Variants in JMJD4 observed in about 807,000 individuals in gnomAD.
The protein encoded by JMJD4 is jumonji domain containing 4.
A neutral mutation model predicts 36.3 loss-of-function variants in JMJD4; 34 were observed. The ratio of observed to expected loss-of-function variants is 0.94; its 90% confidence interval spans 0.71 to 1.25. JMJD4 has a LOEUF of 1.25. Among genes scored for constraint, JMJD4 ranks in the 50% most tolerant of loss-of-function variants. The probability of loss-of-function intolerance (pLI) is 0.00; values close to 1 mark genes in which losing one functional copy is unlikely to be tolerated. For synonymous variants in JMJD4, 269 were observed against 235.3 expected (o/e 1.14, Z -1.31); for missense variants, 584 against 559.1 (o/e 1.04, Z -0.45).
Position 227,732,364 on chromosome 1 carries a change from AC to A in JMJD4, c.*27del, listed in dbSNP as rs1660714150. 2 of 1,604,218 alleles carry A rather than the reference AC, an allele frequency of 1.2e-6. No homozygotes were observed. Among genetic ancestry groups the A allele is most frequent in the Non-Finnish European group, 1.7e-6 (2 of 1,174,262 alleles). The stretch of plus-strand genomic sequence containing the variant: ...CGGAGCAGGAGGCTGCCTCTCTTCC[AC>A]CCGTCCTTCTATCCTCACGACAGGT... On this transcript the variant is annotated 3_prime_UTR_variant, in exon 6 of 6. Transcript: ENST00000620518.
rs200290119 is a variant in JMJD4, at chr1:227,732,901, C to A, written c.949G>T (p.Asp317Tyr). 1.8e-5 allele frequency: 29 copies of A among 1,612,708 alleles called. No individual in the cohort carries two copies. The African/African-American group carries it at 2.1e-4, about 12-fold the overall frequency. ...EVSEWRDSMP[D>Y]WHHHCQVIMR... is the part of the protein sequence containing the mutation. ...CCCACCTGGCAGTGGTGGTGCCAGTCGGGCATGGAGTCCCTCCACTCGCTG... is the reference window on the plus strand; with the variant it reads ...CCCACCTGGCAGTGGTGGTGCCAGTAGGGCATGGAGTCCCTCCACTCGCTG... Residue 317 changes from aspartate to tyrosine, a missense_variant, in exon 5 of 6, where the codon GAC becomes TAC. Transcript: ENST00000620518.
Position 227,735,195 on chromosome 1 carries a change from G to C in JMJD4, c.79C>G (p.Pro27Ala), listed in dbSNP as rs1330874434. ...GVDVPGVGQA[P>A]GRVAFVSEPG... ...TCCGAGACGAAGGCTACCCGGCCCG[G>C]AGCCTGGCCGACGCCGGGGACATCG... Residue 27 changes from proline to alanine, a missense_variant, in exon 1 of 6, where the codon CCG (proline) becomes GCG (alanine). Transcript: ENST00000620518. 6.3e-7 allele frequency: 1 copy of C among 1,581,946 alleles called. No individual in the cohort carries two copies. The highest frequency in any genetic ancestry group is 1.8e-5 in the Admixed American group (1 of 55,942).
rs896671045 is a variant in JMJD4 at position 227,735,296 on chromosome 1, A to C, written c.-23T>G. On this transcript the variant is annotated 5_prime_UTR_variant, in exon 1 of 6. Coordinates refer to ENST00000620518, the MANE Select transcript of JMJD4 (RefSeq NM_023007.3). ...CATCCAGCTCAGCACGGGTCGAAGGACCCTCCTCCTCACTTCCGCCGGAGC... is the reference window on the plus strand; with the variant it reads ...CATCCAGCTCAGCACGGGTCGAAGGCCCCTCCTCCTCACTTCCGCCGGAGC... 13 of 1,603,936 alleles carry C rather than the reference A, an allele frequency of 8.1e-6. No homozygotes were observed. The African/African-American group carries it at 1.5e-4, about 18-fold the overall frequency.
intron 2 of JMJD4, 200 bp downstream of exon 2, chr1:227,734,450 GA>G (rs879711058): frequency 1.6e-5 from 7 of 449,440 alleles, no homozygotes; most frequent in African/African-American, 6.2e-5. Context: ...AAAAAAAAAG[GA>G]AAAAAAACCA....
chr1:227,733,847 C>T, intron 3 of JMJD4, 60 bp downstream of exon 3: 3 of 1,605,026 alleles, frequency 1.9e-6, no homozygotes, highest in Non-Finnish European at 2.5e-6. Context: ...CACCCTGGGC[C>T]TCCCAGTCCG....
In JMJD4 at chr1:227,731,933, G is replaced by T; in HGVS notation, c.*459C>A. 5.6e-6 allele frequency: 1 copy of T among 178,476 alleles called. No homozygotes were observed. The highest frequency in any genetic ancestry group is 1.2e-5 in the Non-Finnish European group (1 of 82,304). The allele number at this position is 178,476 out of a possible 1,614,324, so 11.1% of individuals were successfully genotyped here. On this transcript the variant is annotated 3_prime_UTR_variant, in exon 6 of 6. Coordinates refer to ENST00000620518, the MANE Select transcript of JMJD4 (RefSeq NM_023007.3). ...CTGGAGGTGATGGAGGCCAACCCCA[G>T]CCCTGCCTGGAGGCCCTGGTGAGCT...
chr1:227,735,281 A>G lies in JMJD4; in HGVS notation c.-8T>C, dbSNP rs1043339729. 6.2e-7 allele frequency: 1 copy of G among 1,606,442 alleles called. No individual in the cohort carries two copies. ...GCGCGTCTCGCGGTCCATCCAGCTCAGCACGGGTCGAAGGACCCTCCTCCT... is the reference window on the plus strand; with the variant it reads ...GCGCGTCTCGCGGTCCATCCAGCTCGGCACGGGTCGAAGGACCCTCCTCCT... On this transcript the variant is annotated 5_prime_UTR_variant, in exon 1 of 6. Coordinates refer to ENST00000620518, the MANE Select transcript of JMJD4 (RefSeq NM_023007.3).
Position 227,733,455 on chromosome 1 carries a change from C to A in JMJD4, c.781G>T (p.Val261Leu), listed in dbSNP as rs1432140841. The change falls in exon 4 of 6, where the codon GTG becomes TTG. Residue 261 changes from valine to leucine, a missense_variant. By Grantham distance (32) the Val-to-Leu change is conservative (BLOSUM62 1). Transcript: ENST00000620518. ...LEITQEAGEM[V>L]FVPSGWHHQV... ...TGGTGCCAGCCACTGGGCACAAACA[C>A]CATCTCGCCCGCTTCCTGCGTGATC... 2 of 1,588,214 alleles carry A rather than the reference C, an allele frequency of 1.3e-6. No homozygotes were observed. Among genetic ancestry groups the A allele is most frequent in the Non-Finnish European group, 8.6e-7 (1 of 1,167,444 alleles).
chr1:227,733,108 C>A, intron 4 of JMJD4, 81 bp from the exon 5 acceptor site: 2 of 1,486,882 alleles, frequency 1.3e-6, no homozygotes, highest in Non-Finnish European at 9.2e-7. Flanking sequence ...GCCAGGAACC[C>A]ACTGTGGGGT....
intron 5 of JMJD4, 93 bp downstream of exon 5, chr1:227,732,788 G>A: frequency 6.3e-7 from 1 of 1,591,294 alleles, no homozygotes; most frequent in South Asian, 1.1e-5. Context: ...TAAGACAGAG[G>A]CACTGAGAAG....
chr1:227,731,595 C>G lies in JMJD4; in HGVS notation c.*797G>C, dbSNP rs1272962298. 6.6e-6 allele frequency: 1 copy of G among 152,520 alleles called. No individual in the cohort carries two copies. Among genetic ancestry groups the G allele is most frequent in the South Asian group, 2.1e-4 (1 of 4,838 alleles). The allele number at this position is 152,520 out of a possible 1,614,324, so 9.4% of individuals were successfully genotyped here. ...CATTCCCCACCACAGGCCTCCGCTG[C>G]TCACTGCTGTGCCTTGATCGGCCTG... On this transcript the variant is annotated 3_prime_UTR_variant, in exon 6 of 6. Coordinates refer to ENST00000620518, the MANE Select transcript of JMJD4 (RefSeq NM_023007.3).
Position 227,733,720 on chromosome 1 carries a change from C to A in JMJD4, c.555-39G>T. The A allele has an allele frequency of 2.5e-6, 4 of 1,598,212 alleles. No homozygotes were observed. In the South Asian group the frequency reaches 4.4e-5, roughly 18 times the overall value. ...AGCGCCTGGTTCATGCCTGTAGGGG[C>A]TGGTATGGGCTTTGCTTGGCACCCC... is the stretch of plus-strand genomic sequence containing the variant. On this transcript the variant is annotated intron_variant, in intron 3 of 5. Coordinates refer to ENST00000620518, the MANE Select transcript of JMJD4 (RefSeq NM_023007.3).
rs770520344 is a variant in JMJD4 at position 227,732,474 on chromosome 1, A to G, written c.1172T>C (p.Val391Ala). The stretch of plus-strand genomic sequence containing the variant: ...CTGTGGTGAGAACGCGCTGGTGTCC[A>G]CTCTCTGGAAGTCGGGGTGCGCAAC... ...SLVAHPDFQR[V>A]DTSAFSPQPK... The change falls in exon 6 of 6, where the codon GTG becomes GCG. Residue 391 changes from valine to alanine, a missense_variant. Coordinates refer to ENST00000620518, the MANE Select transcript of JMJD4 (RefSeq NM_023007.3). 6 of 1,613,100 alleles carry G rather than the reference A, an allele frequency of 3.7e-6. No homozygotes were observed. The highest frequency in any genetic ancestry group is 2.2e-5 in the East Asian group (1 of 44,860).
At position 227,732,911 on chromosome 1, in the gene JMJD4, G is replaced by A. The variant is rs1660762725; in HGVS notation, c.939C>T (p.Asp313=). The change falls in exon 5 of 6, where the codon GAC becomes GAT. Residue 313 remains aspartate (D), a synonymous_variant. Transcript: ENST00000620518. ...AVQEEVSEWR[D]SMPDWHHHCQ... is the part of the protein sequence containing the mutation. ...AGTGGTGGTGCCAGTCGGGCATGGA[G>A]TCCCTCCACTCGCTGACCTCCTCCT... 5.0e-6 allele frequency: 8 copies of A among 1,612,866 alleles called. No individual in the cohort carries two copies. The highest frequency in any genetic ancestry group is 1.3e-5 in the African/African-American group (1 of 75,052).
chr1:227,732,297 C>G lies in JMJD4; in HGVS notation c.*95G>C, dbSNP rs1455076737. ...GCCACAAGCCTCGACAGGGGTGGGC[C>G]CCAGGTCACAGGGAGGGCGGTCTTT... On this transcript the variant is annotated 3_prime_UTR_variant, in exon 6 of 6. Transcript: ENST00000620518. The G allele has an allele frequency of 6.9e-7, 1 of 1,438,896 alleles. No homozygotes were observed. The highest frequency in any genetic ancestry group is 1.4e-5 in the African/African-American group (1 of 71,126). The allele number at this position is 1,438,896 out of a possible 1,614,324, so 89.1% of individuals were successfully genotyped here. A position where few individuals can be genotyped will look rare whatever the true frequency, so the allele number is the denominator to read the frequency against.
Position 227,734,765 on chromosome 1 carries a change from T to C in JMJD4, c.314A>G (p.Asn105Ser), listed in dbSNP as rs1660955834. 6.2e-7 allele frequency: 1 copy of C among 1,614,010 alleles called. No individual in the cohort carries two copies. Residue 105 changes from asparagine to serine, a missense_variant, in exon 2 of 6, where the codon AAC (asparagine) becomes AGC (serine). Coordinates refer to ENST00000620518, the MANE Select transcript of JMJD4 (RefSeq NM_023007.3). The part of the protein sequence containing the change: ...ANCGVQEYNS[N>S]PKEHMTLRDY... ...TCTGAGAGTCATGTGCTCTTTGGGG[T>C]TCGAGTTGTATTCCTGGACCCCACA...
At position 227,733,925 on chromosome 1, in the gene JMJD4, G is replaced by A. The variant is rs751199312; in HGVS notation, c.536C>T (p.Ala179Val). The A allele has an allele frequency of 4.5e-5, 72 of 1,613,634 alleles. No homozygotes were observed. Among genetic ancestry groups the A allele is most frequent in the Non-Finnish European group, 5.7e-5 (67 of 1,179,984 alleles). The change falls in exon 3 of 6, where the codon GCG becomes GTG. Residue 179 changes from alanine (A) to valine (V), a missense_variant. Physicochemically the swap from Ala to Val is moderately conservative, Grantham distance 64. Transcript: ENST00000620518. ...GCCTCACCAGCTGCCCGCAGGCCCCGCGTAGACAAAGCGGTAGTCATCCAC... is the reference window on the plus strand; with the variant it reads ...GCCTCACCAGCTGCCCGCAGGCCCCACGTAGACAAAGCGGTAGTCATCCAC... The part of the protein sequence containing the change: ...LDVDDYRFVY[A>V]GPAGSWSPFH...
chr1:227,735,128 A>G lies in JMJD4; in HGVS notation c.146T>C (p.Leu49Ser). The G allele has an allele frequency of 6.3e-7, 1 of 1,579,714 alleles. No individual in the cohort carries two copies. Residue 49 changes from leucine (L) to serine (S), a missense_variant, in exon 1 of 6, where the codon TTG becomes TCG. Leu to Ser is a moderately radical substitution (Grantham distance 145). Transcript: ENST00000620518. ...FSYADFVRGF[L>S]LPNLPCVFSS... ...AAACACGCAGGGCAGGTTGGGCAGC[A>G]AGAAGCCCCGCACAAAGTCGGCGTA...
In JMJD4 at chr1:227,732,568, C is replaced by G. The variant is rs916040065; in HGVS notation, c.1078G>C (p.Gly360Arg). The G allele has an allele frequency of 2.5e-6, 4 of 1,613,506 alleles. No individual in the cohort carries two copies. The East Asian group carries it at 8.9e-5, about 36-fold the overall frequency. ...LVLREAAAED[G>R]AGLGFEQAAF... is the part of the protein sequence containing the mutation. ...GCCTGTTCGAAACCCAACCCAGCAC[C>G]GTCCTCAGCGGCTGCCTCCCTCAGG... is the stretch of plus-strand genomic sequence containing the variant. The change falls in exon 6 of 6, where the codon GGT becomes CGT. Residue 360 changes from glycine (G) to arginine (R), a missense_variant. Transcript: ENST00000620518.
Sources: gnomAD v4.1 joint callset for allele counts on GRCh38, gnomAD v4.1.1 for gene constraint, MANE v1.5 for transcripts, NCBI Gene and HGNC (gene_info 2026-07-23, HGNC 2026-07-21) for gene names.